ABL1: variants seen among roughly 807,000 people sequenced by gnomAD.
ABL1 encodes the protein ABL proto-oncogene 1, non-receptor tyrosine kinase, also known as tyrosine-protein kinase ABL1.
ABL1 carries 11 observed loss-of-function variants against 94.7 expected under a neutral mutation model. That is an observed-to-expected ratio of 0.12 (90% CI 0.07 to 0.19). The LOEUF (loss-of-function observed/expected upper bound fraction) is 0.19, where lower values mean the gene tolerates loss of function less well. ABL1 is among the 10% of genes least tolerant of loss of function. ABL1 has a pLI of 1.00. For synonymous variants in ABL1, 656 were observed against 622.4 expected (o/e 1.05, Z -0.80); for missense variants, 1,082 against 1,489.4 (o/e 0.73, Z 4.50).
intron 1 of ABL1, among the ~76,000 whole-genome samples, chr9:130,755,732 C>T (rs2583835): frequency 0.22 from 33,511 of 152,116 alleles, 3,980 homozygotes; most frequent in Middle Eastern, 0.4. Context: ...GAGCAAATGA[C>T]GTTGCCACCA....
At chr9:130,772,120 G>T (rs182358147) in intron 1 of ABL1, among the ~76,000 whole-genome samples, 1 of 152,266 alleles carries the variant, frequency 6.6e-6, no homozygotes, top group Non-Finnish European at 1.5e-5. Context: ...TAACATTTCA[G>T]TTGTGATTCT....
chr9:130,717,536 C>T (rs1013721591), intron 1 of ABL1, among the ~76,000 whole-genome samples: 4 of 150,444 alleles, frequency 2.7e-5, no homozygotes, highest in African/African-American at 9.8e-5. Flanking sequence ...GATCTTACCT[C>T]TACAGAAATT....
chr9:130,829,712 A>G (rs1160406318), intron 1 of ABL1, among the ~76,000 whole-genome samples: 1 of 152,226 alleles, frequency 6.6e-6, no homozygotes, highest in Non-Finnish European at 1.5e-5. Flanking sequence ...AAACAAGGCA[A>G]TATCTCTAGG....
chr9:130,756,548 A>G (rs1360408862), intron 1 of ABL1, among the ~76,000 whole-genome samples: 2 of 152,174 alleles, frequency 1.3e-5, no homozygotes, highest in Non-Finnish European at 2.9e-5. Context: ...TTTTACTCTG[A>G]CATTTTCTCT....
chr9:130,741,121 A>G (rs746002491), intron 1 of ABL1, among the ~76,000 whole-genome samples: 4 of 152,202 alleles, frequency 2.6e-5, no homozygotes, highest in Admixed American at 6.5e-5. Context: ...CCTTTAGTCA[A>G]AGGGCTAGAA....
At chr9:130,726,528 G>C (rs890407175) in intron 1 of ABL1, among the ~76,000 whole-genome samples, 2 of 151,982 alleles carry the variant, frequency 1.3e-5, no homozygotes, top group African/African-American at 4.8e-5. Flanking sequence ...TTTTCAGTTA[G>C]TTTTGCTGAG....
intron 1 of ABL1, among the ~76,000 whole-genome samples, chr9:130,852,526 A>G (rs1830884932): frequency 6.6e-6 from 1 of 152,152 alleles, no homozygotes; most frequent in African/African-American, 2.4e-5. Flanking sequence ...TGATTTTTAA[A>G]TTGTAGTTCC....
intron 1 of ABL1, among the ~76,000 whole-genome samples, chr9:130,715,622 T>C (rs1337718305): frequency 1.3e-5 from 2 of 152,204 alleles, no homozygotes; most frequent in Non-Finnish European, 2.9e-5. Flanking sequence ...GTTCCCAAAT[T>C]CAGGATTTAA....
At chr9:130,768,920 A>G (rs59270542) in intron 1 of ABL1, among the ~76,000 whole-genome samples, 342 of 152,338 alleles carry the variant, frequency 2.2e-3, no homozygotes, top group African/African-American at 7.8e-3. Context: ...CAATGTGTTC[A>G]ATGGAAAAGC....
intron 1 of ABL1, among the ~76,000 whole-genome samples, chr9:130,825,208 A>G (rs1049359278): frequency 1.3e-5 from 2 of 152,142 alleles, no homozygotes; most frequent in African/African-American, 4.8e-5. Flanking sequence ...TGGCTCCTCC[A>G]CTACCTCCTA....
chr9:130,719,945 A>T (rs911153480), intron 1 of ABL1, among the ~76,000 whole-genome samples: 1 of 152,226 alleles, frequency 6.6e-6, no homozygotes, highest in Admixed American at 6.5e-5. Flanking sequence ...AGAGGAAACC[A>T]TGTTATTAAA....
intron 1 of ABL1, among the ~76,000 whole-genome samples, chr9:130,765,474 A>G (rs571263337): frequency 7.2e-5 from 11 of 152,182 alleles, no homozygotes; most frequent in African/African-American, 2.2e-4. Context: ...AATCTTCATG[A>G]TCCATTTTTG....
At chr9:130,777,402 T>C (rs1829681795) in intron 1 of ABL1, among the ~76,000 whole-genome samples, 1 of 151,780 alleles carries the variant, frequency 6.6e-6, no homozygotes, top group Non-Finnish European at 1.5e-5. Context: ...ACACACTGCA[T>C]TAGTACCTTC....
At chr9:130,856,764 G>A (rs1464817957) in intron 3 of ABL1, among the ~76,000 whole-genome samples, 1 of 152,140 alleles carries the variant, frequency 6.6e-6, no homozygotes, top group African/African-American at 2.4e-5. Flanking sequence ...TGCTTCTCCC[G>A]TGTGATAATA....
In ABL1 at chr9:130,868,526, T is replaced by C. The variant is rs28645581; in HGVS notation, c.823-3603T>C. 6.6e-3 allele frequency among the ~76,000 whole-genome samples: 847 copies of C among 128,648 alleles called. 5 individuals carry two copies. The highest frequency in any genetic ancestry group is 0.029 in the African/African-American group (763 of 26,208). The allele number at this position is 128,648 out of a possible 152,430, so 84.4% of individuals were successfully genotyped here. A position where few individuals can be genotyped will look rare whatever the true frequency, so the allele number is the denominator to read the frequency against. On this transcript the variant is annotated intron_variant, in intron 4 of 10. Transcript: ENST00000318560. ...CCATTTCTTTTTTCTTTTTCTTTTT[T>C]TTTTTTTTTTTTTTTCAGACAGAGT... is the stretch of plus-strand genomic sequence containing the variant.
intron 7 of ABL1, among the ~76,000 whole-genome samples, chr9:130,878,134 A>G (rs951406634): frequency 6.6e-6 from 1 of 151,952 alleles, no homozygotes; most frequent in African/African-American, 2.4e-5. Flanking sequence ...TATTTTTAGT[A>G]GAGATGGGGT....
At chr9:130,796,118 AGCCAAGATAGT>A (rs1287242690) in intron 1 of ABL1, among the ~76,000 whole-genome samples, 1 of 152,098 alleles carries the variant, frequency 6.6e-6, no homozygotes, top group African/African-American at 2.4e-5. Context: ...GGTTGCAGTG[AGCCAAGATAGT>A]GCCACTGCAC....
At chr9:130,868,352 C>T (rs1013076249) in intron 4 of ABL1, among the ~76,000 whole-genome samples, 1 of 151,986 alleles carries the variant, frequency 6.6e-6, no homozygotes, top group Non-Finnish European at 1.5e-5. Flanking sequence ...TTTCACTGTG[C>T]CTGTAACCTC....
At chr9:130,743,160 T>G (rs1003779600) in intron 1 of ABL1, among the ~76,000 whole-genome samples, 5 of 152,258 alleles carry the variant, frequency 3.3e-5, no homozygotes, top group African/African-American at 1.2e-4. Flanking sequence ...GCAACTTCCA[T>G]CTCCTGGGTT....
Sources: allele counts gnomAD v4.1 joint callset (sites outside exome capture counted in the v4.1 genomes callset), GRCh38; gene constraint gnomAD v4.1.1; transcripts MANE v1.5; gene names NCBI Gene and HGNC (gene_info 2026-07-23, HGNC 2026-07-21).